The following TMEM272 variants were observed in gnomAD, a reference collection of about 807,000 sequenced individuals.
The protein encoded by TMEM272 is transmembrane protein 272, also known as long intergenic non-protein coding RNA 282.
Under a neutral mutation model 3.7 loss-of-function variants are expected in TMEM272, and 8 were observed. The ratio of observed to expected loss-of-function variants is 2.17; its 90% CI spans 1.27 to 3.91. The LOEUF (loss-of-function observed/expected upper bound fraction) is 3.91. Ranked by LOEUF, TMEM272 falls within the 30% of genes most tolerant of loss-of-function variation. The pLI is 0.00. For synonymous variants in TMEM272, 63 were observed against 39.8 expected (o/e 1.58, Z -2.20); for missense variants, 166 against 91.5 (o/e 1.81, Z -3.32).
chr13:51,813,424 A>C lies in TMEM272; in HGVS notation c.*3327T>G, dbSNP rs1955985747. The C allele has an allele frequency of 7.6e-6, 3 of 395,832 alleles. No individual in the cohort carries two copies. Among genetic ancestry groups the C allele is most frequent in the African/African-American group, 2.1e-5 (1 of 48,584 alleles). The allele number at this position is 395,832 out of a possible 1,614,324, so 24.5% of individuals were successfully genotyped here. The stretch of plus-strand genomic sequence containing the variant: ...TGAAGCACAAGATTCAGTTACACAA[A>C]GATGAAAGCTATTGACCACTTGGCC... On this transcript the variant is annotated 3_prime_UTR_variant, in exon 5 of 5. Transcript: ENST00000629372.
chr13:51,917,836 G>T, the TMEM272 span, among the ~76,000 whole-genome samples: 1 of 152,286 alleles, frequency 6.6e-6, no homozygotes, highest in Admixed American at 6.5e-5. Context: ...CTCTGCCCCA[G>T]GGAGTTCCGA....
the TMEM272 span, chr13:51,865,457 C>A: frequency 6.2e-7 from 1 of 1,614,104 alleles, no homozygotes; most frequent in East Asian, 2.2e-5. Flanking sequence ...TGCCTGCTTC[C>A]GGTCCCTGGC....
At chr13:51,863,386 G>C in the TMEM272 span, among the ~76,000 whole-genome samples, 8 of 152,178 alleles carry the variant, frequency 5.3e-5, no homozygotes, top group African/African-American at 1.9e-4. Flanking sequence ...CTACAGTGCA[G>C]GGGCAGATGA....
the TMEM272 span, chr13:51,865,218 C>A: frequency 1.7e-6 from 1 of 575,100 alleles, no homozygotes; most frequent in Non-Finnish European, 2.9e-6. Context: ...TCACAAACAC[C>A]ACCATGTGGA....
the TMEM272 span, among the ~76,000 whole-genome samples, chr13:51,854,180 T>A: frequency 6.6e-6 from 1 of 152,352 alleles, no homozygotes; most frequent in East Asian, 1.9e-4. Flanking sequence ...ATTTATTTTC[T>A]GTACTCCATT....
intron 1 of TMEM272, among the ~76,000 whole-genome samples, chr13:51,840,241 C>G (rs1201183990): frequency 6.6e-6 from 1 of 152,052 alleles, no homozygotes; most frequent in Non-Finnish European, 1.5e-5. Flanking sequence ...GGGGAAGAAA[C>G]CTGGAAAGGA....
chr13:51,824,897 G>A (rs559658603), intron 3 of TMEM272, among the ~76,000 whole-genome samples: 1 of 152,352 alleles, frequency 6.6e-6, no homozygotes, highest in African/African-American at 2.4e-5. Flanking sequence ...AGGGTGCGGT[G>A]AGCCGAGATC....
At chr13:51,889,495 T>C in the TMEM272 span, among the ~76,000 whole-genome samples, 3 of 152,302 alleles carry the variant, frequency 2.0e-5, no homozygotes, top group East Asian at 5.8e-4. Context: ...AAAGTGGCCA[T>C]CTGCAAGCCA....
the TMEM272 span, among the ~76,000 whole-genome samples, chr13:51,903,422 G>A: frequency 6.6e-6 from 1 of 152,110 alleles, no homozygotes; most frequent in Non-Finnish European, 1.5e-5. Flanking sequence ...GGAGGGAGAG[G>A]TGGCACACCA....
In TMEM272 at chr13:51,823,082, TA is replaced by T. The variant is rs760312392; in HGVS notation, c.119-946del. Reference sequence around the variant, plus strand: ...TGGGACACCTTGGGGCCAAAGCATTTATTTTTTTTGAGACAGAGTCTTGCTC... The same window carrying T: ...TGGGACACCTTGGGGCCAAAGCATTTTTTTTTTTGAGACAGAGTCTTGCTC... On this transcript the variant is annotated intron_variant, in intron 3 of 4. Transcript: ENST00000629372. 3.3e-5 allele frequency among the ~76,000 whole-genome samples: 5 copies of T among 152,296 alleles called. No individual in the cohort carries two copies. In the South Asian group the frequency reaches 1.0e-3, roughly 32 times the overall value.
the TMEM272 span, chr13:51,909,472 T>G: frequency 2.2e-6 from 2 of 897,802 alleles, no homozygotes; most frequent in Non-Finnish European, 3.7e-6. Flanking sequence ...TATAACTCAG[T>G]CATTAACTTT....
At chr13:51,855,452 A>G in the TMEM272 span, among the ~76,000 whole-genome samples, 1 of 152,234 alleles carries the variant, frequency 6.6e-6, no homozygotes, top group African/African-American at 2.4e-5. Context: ...CAGAAAACCA[A>G]GAGGGAAAAA....
the TMEM272 span, chr13:51,910,012 G>A: frequency 1.3e-4 from 191 of 1,524,508 alleles, no homozygotes; most frequent in African/African-American, 2.5e-3. Flanking sequence ...CCTATCTCCA[G>A]TTTTTCTTCA....
chr13:51,864,994 C>T, the TMEM272 span, among the ~76,000 whole-genome samples: 2 of 152,208 alleles, frequency 1.3e-5, no homozygotes, highest in African/African-American at 4.8e-5. Flanking sequence ...AGTGAGTACA[C>T]CAAAACCTAA....
intron 3 of TMEM272, among the ~76,000 whole-genome samples, chr13:51,825,851 G>A (rs533258952): frequency 6.6e-6 from 1 of 151,946 alleles, no homozygotes; most frequent in South Asian, 2.1e-4. Flanking sequence ...TCAAGCAATC[G>A]GCCCGCCTCA....
chr13:51,916,624 T>C, the TMEM272 span, among the ~76,000 whole-genome samples: 1 of 152,182 alleles, frequency 6.6e-6, no homozygotes, highest in East Asian at 1.9e-4. Flanking sequence ...CCCTCTTTCC[T>C]AGGTTTGCAT....
chr13:51,921,922 G>T, the TMEM272 span, among the ~76,000 whole-genome samples: 1 of 151,826 alleles, frequency 6.6e-6, no homozygotes, highest in Non-Finnish European at 1.5e-5. Flanking sequence ...GTGTGTGTGT[G>T]TATGTGTGTG....
At chr13:51,870,503 A>G in the TMEM272 span, among the ~76,000 whole-genome samples, 1 of 126,368 alleles carries the variant, frequency 7.9e-6, no homozygotes, top group African/African-American at 3.1e-5. Context: ...ATAACAAAGC[A>G]AATGCATGCA....
At chr13:51,849,167 GGAA>G (rs1483842759), upstream of TMEM272, among the ~76,000 whole-genome samples, 1 of 152,206 alleles carries the variant, frequency 6.6e-6, no homozygotes, top group Non-Finnish European at 1.5e-5. Context: ...TTCACAGTCA[GGAA>G]GAAGAAGAGT....
Sources: gnomAD v4.1 joint callset for allele counts (sites outside exome capture counted in the v4.1 genomes callset) on GRCh38, gnomAD v4.1.1 for gene constraint, MANE v1.5 for transcripts, NCBI Gene and HGNC (gene_info 2026-07-23, HGNC 2026-07-21) for gene names.